Variants in HHAT observed in about 807,000 individuals in gnomAD.
The protein encoded by HHAT is hedgehog acyltransferase.
In HHAT, 47 loss-of-function variants were observed where a neutral mutation model predicts 70.8. That is an observed-to-expected ratio of 0.66 (90% CI 0.53 to 0.85). HHAT has a LOEUF of 0.85. Among genes scored for constraint, HHAT ranks in the 40% least tolerant of loss-of-function variants. The pLI is 0.00. For missense variants in HHAT, 609 were observed against 604.8 expected (o/e 1.01, Z -0.07); for synonymous variants, 228 against 247.6 (o/e 0.92, Z 0.74).
chr1:210,404,060 A>T (rs1558446878), intron 5 of HHAT, among the ~76,000 whole-genome samples: 1 of 152,156 alleles, frequency 6.6e-6, no homozygotes, highest in Non-Finnish European at 1.5e-5. Flanking sequence ...ATCCCATGGG[A>T]CATTTTAAGC....
intron 8 of HHAT, among the ~76,000 whole-genome samples, chr1:210,485,817 G>A (rs1181828413): frequency 6.6e-6 from 1 of 152,018 alleles, no homozygotes. Context: ...CTCCCACCGG[G>A]TCCCTCCCAC....
At chr1:210,475,857 G>A (rs1317319666) in intron 8 of HHAT, among the ~76,000 whole-genome samples, 1 of 147,166 alleles carries the variant, frequency 6.8e-6, no homozygotes, top group Non-Finnish European at 1.5e-5. Context: ...AAAATTCATT[G>A]TTTTAGTTAA....
rs1380695503 is a variant in HHAT, at chr1:210,451,826, G to T, written c.857-12679G>T. Among the ~76,000 whole-genome samples, 3 of 152,082 alleles carry T rather than the reference G, an allele frequency of 2.0e-5. 1 individual carries two copies. The highest frequency in any genetic ancestry group is 4.4e-5 in the Non-Finnish European group (3 of 68,020). ...ACTCTTGGTCTCCAGTGATCTTCCT[G>T]GCTCAGCCTCCCAAAACATGATATA... On this transcript the variant is annotated intron_variant, in intron 7 of 11. Coordinates refer to ENST00000261458, the MANE Select transcript of HHAT (RefSeq NM_018194.6).
At chr1:210,410,075 C>G (rs966144036) in intron 6 of HHAT, among the ~76,000 whole-genome samples, 1 of 150,242 alleles carries the variant, frequency 6.7e-6, no homozygotes. Flanking sequence ...TTTTTTGAGA[C>G]AGAGTCTGGC....
At chr1:210,338,714 A>G (rs951276025) in intron 1 of HHAT, among the ~76,000 whole-genome samples, 2 of 152,202 alleles carry the variant, frequency 1.3e-5, no homozygotes, top group Non-Finnish European at 2.9e-5. Flanking sequence ...GCTGGAATTC[A>G]ATCTTTGGCA....
At chr1:210,376,836 C>G (rs2090262084) in intron 3 of HHAT, among the ~76,000 whole-genome samples, 1 of 152,204 alleles carries the variant, frequency 6.6e-6, no homozygotes, top group Non-Finnish European at 1.5e-5. Flanking sequence ...AAGGTGGTAG[C>G]TGGGATTATG....
chr1:210,417,765 T>A (rs1056099681), intron 6 of HHAT, among the ~76,000 whole-genome samples: 12 of 151,994 alleles, frequency 7.9e-5, no homozygotes, highest in Non-Finnish European at 1.5e-5. Context: ...CAGACATGAG[T>A]AGGTGATGGA....
At chr1:210,613,209 CCT>C (rs1205674480) in intron 10 of HHAT, among the ~76,000 whole-genome samples, 1 of 152,060 alleles carries the variant, frequency 6.6e-6, no homozygotes, top group Non-Finnish European at 1.5e-5. Flanking sequence ...AAGGTCTCCC[CCT>C]GTTTTCTTTT....
chr1:210,633,851 C>T (rs994534613), intron 11 of HHAT, among the ~76,000 whole-genome samples: 1 of 152,220 alleles, frequency 6.6e-6, no homozygotes, highest in African/African-American at 2.4e-5. Context: ...CCCACAGAGC[C>T]TCTCTGCGCC....
intron 1 of HHAT, among the ~76,000 whole-genome samples, chr1:210,334,507 T>A (rs185441371): frequency 1.3e-5 from 2 of 152,102 alleles, no homozygotes. Context: ...AGTTTTCCCC[T>A]TTTTAGCCCG....
intron 3 of HHAT, among the ~76,000 whole-genome samples, chr1:210,370,788 G>A (rs1321762012): frequency 1.3e-5 from 2 of 151,782 alleles, no homozygotes; most frequent in Non-Finnish European, 2.9e-5. Context: ...CTAAGTTTTT[G>A]TATTTGTAGT....
chr1:210,637,871 A>AAAG (rs1553312396), intron 11 of HHAT, among the ~76,000 whole-genome samples: 2,807 of 117,438 alleles, frequency 0.024, 99 homozygotes, highest in African/African-American at 0.077. Flanking sequence ...AAAAAAAAAA[A>AAAG]GGGGGGGGCA....
Position 210,400,610 on chromosome 1 carries a change from G to A in HHAT, c.416G>A (p.Cys139Tyr), listed in dbSNP as rs2092018690. 1 of 1,614,126 alleles carries A rather than the reference G, an allele frequency of 6.2e-7. No individual in the cohort carries two copies. The highest frequency in any genetic ancestry group is 8.5e-7 in the Non-Finnish European group (1 of 1,180,012). The change falls in exon 5 of 12, where the codon TGT becomes TAT. Residue 139 changes from cysteine (C) to tyrosine (Y), a missense_variant. By Grantham distance (194) the Cys-to-Tyr change is radical. Transcript: ENST00000261458. ...QFRSQLLTWL[C>Y]SLLLLSTLRL... is the part of the protein sequence containing the mutation. ...CGGTCTCAGCTCCTGACGTGGCTCTGTTCTCTCCTCCTCCTCTCCACACTG... is the reference window on the plus strand; with the variant it reads ...CGGTCTCAGCTCCTGACGTGGCTCTATTCTCTCCTCCTCCTCTCCACACTG...
chr1:210,366,885 A>G (rs2089036723), intron 3 of HHAT, among the ~76,000 whole-genome samples: 1 of 152,162 alleles, frequency 6.6e-6, no homozygotes, highest in Non-Finnish European at 1.5e-5. Flanking sequence ...GTCACGAAGC[A>G]TTGCCTGAAG....
chr1:210,587,624 G>A (rs1660754113), intron 9 of HHAT, among the ~76,000 whole-genome samples: 1 of 152,182 alleles, frequency 6.6e-6, no homozygotes, highest in African/African-American at 2.4e-5. Context: ...CTAAATTCAT[G>A]ACTTCTTGCC....
intron 11 of HHAT, among the ~76,000 whole-genome samples, chr1:210,661,300 G>A (rs1278812967): frequency 2.6e-5 from 4 of 152,094 alleles, no homozygotes; most frequent in Non-Finnish European, 2.9e-5. Context: ...GCAGCCAACA[G>A]ACACATGAAA....
At chr1:210,661,660 A>G (rs949095605) in intron 11 of HHAT, among the ~76,000 whole-genome samples, 9 of 152,272 alleles carry the variant, frequency 5.9e-5, no homozygotes, top group Non-Finnish European at 1.0e-4. Flanking sequence ...CCAAATGTCC[A>G]TCAATGATAG....
chr1:210,614,018 C>CAAAAAAAA (rs55874321), intron 10 of HHAT, among the ~76,000 whole-genome samples: 46 of 111,562 alleles, frequency 4.1e-4, no homozygotes, highest in African/African-American at 1.4e-3. Flanking sequence ...GACCCTGCCT[C>CAAAAAAAA]AAAAAAAAAA....
chr1:210,547,806 A>G (rs17016400), intron 9 of HHAT, among the ~76,000 whole-genome samples: 10,420 of 152,184 alleles, frequency 0.068, 712 homozygotes, highest in East Asian at 0.31. Flanking sequence ...CTCACCGAAC[A>G]ACCTATTTCT....
Sources: allele counts gnomAD v4.1 joint callset (sites outside exome capture counted in the v4.1 genomes callset), GRCh38; gene constraint gnomAD v4.1.1; transcripts MANE v1.5; gene names NCBI Gene and HGNC (gene_info 2026-07-23, HGNC 2026-07-21).